Variants in FGGY observed in about 807,000 individuals in gnomAD.
FGGY encodes FGGY carbohydrate kinase domain containing.
FGGY carries 72 observed loss-of-function variants against 71.3 expected under a neutral mutation model. That is an observed-to-expected ratio of 1.01 (90% CI 0.84 to 1.23). The LOEUF is 1.23. FGGY is among the 50% of genes most tolerant of loss of function. The probability of loss-of-function intolerance (pLI) is 0.00; values close to 1 mark genes in which losing one functional copy is unlikely to be tolerated. For synonymous variants in FGGY, 251 were observed against 250.3 expected (o/e 1.00, Z -0.02); for missense variants, 668 against 682.3 (o/e 0.98, Z 0.23).
chr1:59,634,799 T>C (rs578194917), intron 10 of FGGY, among the ~76,000 whole-genome samples: 12 of 152,362 alleles, frequency 7.9e-5, no homozygotes, highest in African/African-American at 2.9e-4. Flanking sequence ...TTAATCTTCA[T>C]AGCAGCCTTT....
chr1:59,452,035 G>T (rs1356489329), intron 5 of FGGY, among the ~76,000 whole-genome samples: 1 of 150,810 alleles, frequency 6.6e-6, no homozygotes, highest in Non-Finnish European at 1.5e-5. Flanking sequence ...AAAATACCTA[G>T]CCCTGTATTC....
At chr1:59,733,741 C>T (rs1371316318) in intron 14 of FGGY, among the ~76,000 whole-genome samples, 1 of 152,182 alleles carries the variant, frequency 6.6e-6, no homozygotes, top group Non-Finnish European at 1.5e-5. Flanking sequence ...CCTGTGAGAT[C>T]TAAAAACAGG....
At chr1:59,368,054 G>A (rs1233123303) in intron 4 of FGGY, among the ~76,000 whole-genome samples, 2 of 152,084 alleles carry the variant, frequency 1.3e-5, no homozygotes, top group East Asian at 3.8e-4. Context: ...ACTAGTTTTT[G>A]TTAGTTGCCT....
rs567468424 is a variant in FGGY, at chr1:59,457,771, C to T, written c.670+695C>T. ...TCACAGGACAAGGCAAGGCTGTGAACAGGTAAAAAATAAAGCTAAAAGATC... is the reference window on the plus strand; with the variant it reads ...TCACAGGACAAGGCAAGGCTGTGAATAGGTAAAAAATAAAGCTAAAAGATC... On this transcript the variant is annotated intron_variant, in intron 6 of 15. Transcript: ENST00000303721. Among the ~76,000 whole-genome samples the T allele has an allele frequency of 2.0e-5, 3 of 152,162 alleles. No individual in the cohort carries two copies. In the South Asian group the frequency reaches 6.2e-4, roughly 32 times the overall value.
At chr1:59,592,956 TAAAAATAA>T (rs1470803630) in intron 8 of FGGY, among the ~76,000 whole-genome samples, 1 of 150,700 alleles carries the variant, frequency 6.6e-6, no homozygotes, top group African/African-American at 2.5e-5. Flanking sequence ...TAAGAAAAAG[TAAAAATAA>T]AAAAATAAAA....
chr1:59,527,676 G>A (rs1238789920), intron 7 of FGGY, among the ~76,000 whole-genome samples: 1 of 152,144 alleles, frequency 6.6e-6, no homozygotes, highest in East Asian at 1.9e-4. Flanking sequence ...TTTTGTTGGT[G>A]GTGATGACAA....
Position 59,543,951 on chromosome 1 carries a change from A to G in FGGY, c.800-10173A>G, listed in dbSNP as rs199706041. Among the ~76,000 whole-genome samples the G allele has an allele frequency of 2.2e-4, 34 of 152,350 alleles. 1 individual carries two copies. The East Asian group carries it at 3.3e-3, about 15-fold the overall frequency. ...TGCTTTCTCCCAAGAGAAATTGTAC[A>G]CTAACATTTGTTTAGTAGTGCCTAT... On this transcript the variant is annotated intron_variant, in intron 7 of 15. Coordinates refer to ENST00000303721, the MANE Select transcript of FGGY (RefSeq NM_018291.5).
At chr1:59,590,557 G>A (rs561091439) in intron 8 of FGGY, among the ~76,000 whole-genome samples, 39 of 152,128 alleles carry the variant, frequency 2.6e-4, no homozygotes, top group African/African-American at 3.4e-4. Context: ...CTGGCAAACC[G>A]AATCCAGCAG....
At chr1:59,635,489 A>G (rs2096949343) in intron 10 of FGGY, among the ~76,000 whole-genome samples, 2 of 152,098 alleles carry the variant, frequency 1.3e-5, no homozygotes, top group African/African-American at 4.8e-5. Context: ...TCTGAAACCA[A>G]ATGCCCTGCT....
chr1:59,489,099 AT>A (rs1427954582), intron 6 of FGGY, among the ~76,000 whole-genome samples: 1 of 152,056 alleles, frequency 6.6e-6, no homozygotes, highest in Non-Finnish European at 1.5e-5. Context: ...ATAATTTTTT[AT>A]TTTTAATTGA....
rs940059298 is a variant in FGGY at position 59,482,449 on chromosome 1, A to G, written c.670+25373A>G. Among the ~76,000 whole-genome samples the G allele has an allele frequency of 1.7e-4, 26 of 152,196 alleles. 2 individuals carry two copies. Among genetic ancestry groups the G allele is most frequent in the African/African-American group, 6.3e-4 (26 of 41,528 alleles). Reference sequence around the variant, plus strand: ...GCAAGTTTTTGCCGCAGCAAAAATGACCACTTATCTAAGAGGCTGCATATT... The same window carrying G: ...GCAAGTTTTTGCCGCAGCAAAAATGGCCACTTATCTAAGAGGCTGCATATT... On this transcript the variant is annotated intron_variant, in intron 6 of 15. Transcript: ENST00000303721.
At chr1:59,688,246 A>G (rs957310265) in intron 14 of FGGY, among the ~76,000 whole-genome samples, 2 of 152,214 alleles carry the variant, frequency 1.3e-5, no homozygotes, top group Non-Finnish European at 2.9e-5. Context: ...CTAGGTAAGT[A>G]ACTATAATAG....
intron 1 of FGGY, among the ~76,000 whole-genome samples, chr1:59,312,442 T>G (rs927420238): frequency 6.6e-6 from 1 of 152,222 alleles, no homozygotes; most frequent in Non-Finnish European, 1.5e-5. Context: ...TAAATGTGGA[T>G]TCTCCTCTCC....
At position 59,693,498 on chromosome 1, in the gene FGGY, G is replaced by A. The variant is rs140880054; in HGVS notation, c.1512+19365G>A. On this transcript the variant is annotated intron_variant, in intron 14 of 15. Transcript: ENST00000303721. Reference sequence around the variant, plus strand: ...TAGAACAGTGCCTGGCACAGGCAGCGTGTCATACATATTAATGGTGGTAAT... The same window carrying A: ...TAGAACAGTGCCTGGCACAGGCAGCATGTCATACATATTAATGGTGGTAAT... Among the ~76,000 whole-genome samples the A allele has an allele frequency of 1.6e-4, 25 of 152,306 alleles. No individual in the cohort carries two copies. In the East Asian group the frequency reaches 2.9e-3, roughly 18 times the overall value.
chr1:59,424,296 C>T (rs934801785), intron 5 of FGGY, among the ~76,000 whole-genome samples: 3 of 152,134 alleles, frequency 2.0e-5, no homozygotes, highest in Non-Finnish European at 2.9e-5. Context: ...CGCCTGTAAT[C>T]CCAGCACTCT....
chr1:59,311,592 G>A (rs187120633), intron 1 of FGGY, among the ~76,000 whole-genome samples: 22 of 152,220 alleles, frequency 1.4e-4, no homozygotes, highest in African/African-American at 3.4e-4. Flanking sequence ...TTATGGCTGT[G>A]TAGTATTCTA....
intron 15 of FGGY, among the ~76,000 whole-genome samples, chr1:59,758,573 A>G (rs1158007000): frequency 1.3e-5 from 2 of 152,242 alleles, no homozygotes; most frequent in African/African-American, 4.8e-5. Context: ...GAAGAAAGAG[A>G]TGGGAGCCTG....
chr1:59,644,624 C>T (rs547529562), intron 11 of FGGY, among the ~76,000 whole-genome samples: 1 of 151,936 alleles, frequency 6.6e-6, no homozygotes, highest in Non-Finnish European at 1.5e-5. Context: ...CACGCCCCCC[C>T]CCACCCAAAG....
intron 14 of FGGY, among the ~76,000 whole-genome samples, chr1:59,676,993 A>G (rs776504782): frequency 1.4e-4 from 22 of 152,174 alleles, no homozygotes; most frequent in Non-Finnish European, 2.9e-4. Context: ...ATTGCCACCC[A>G]TATGGGACTA....
Sources: allele counts gnomAD v4.1 joint callset (sites outside exome capture counted in the v4.1 genomes callset), GRCh38; gene constraint gnomAD v4.1.1; transcripts MANE v1.5; gene names NCBI Gene and HGNC (gene_info 2026-07-23, HGNC 2026-07-21).